The following ALG14 variants were observed in gnomAD, a reference collection of about 807,000 sequenced individuals.
ALG14 encodes the protein UDP-N-acetylglucosamine transferase subunit ALG14.
Under a neutral mutation model 22.8 loss-of-function variants are expected in ALG14, and 17 were observed. The ratio of observed to expected loss-of-function variants is 0.75; its 90% CI spans 0.51 to 1.12. The LOEUF (loss-of-function observed/expected upper bound fraction) is 1.12. ALG14 is among the 50% of genes most tolerant of loss of function. The pLI is 0.00. For missense variants in ALG14, 288 were observed against 271.8 expected, an observed-to-expected ratio of 1.06 and a Z score of -0.42; for synonymous variants, 89 against 103.7, an observed-to-expected ratio of 0.86 and a Z score of 0.86.
intron 2 of ALG14, among the ~76,000 whole-genome samples, chr1:95,043,557 A>G (rs1246880810): frequency 6.6e-6 from 1 of 152,190 alleles, no homozygotes; most frequent in East Asian, 1.9e-4. Context: ...TCTACTGAGA[A>G]CTAGTGCAGG....
intron 3 of ALG14, among the ~76,000 whole-genome samples, chr1:95,005,107 C>T (rs1340277510): frequency 6.6e-6 from 1 of 152,146 alleles, no homozygotes; most frequent in Non-Finnish European, 1.5e-5. Flanking sequence ...GAGAGACACA[C>T]AGAGTAATTC....
chr1:95,071,359 A>G (rs989587016), intron 1 of ALG14, among the ~76,000 whole-genome samples: 1 of 152,136 alleles, frequency 6.6e-6, no homozygotes, highest in Admixed American at 6.5e-5. Flanking sequence ...AGCCTTGGTC[A>G]ACATGGTGAA....
In ALG14 at chr1:95,054,919, GT is replaced by G. The variant is rs564077816; in HGVS notation, c.288+9946del. 6.8e-4 allele frequency among the ~76,000 whole-genome samples: 103 copies of G among 152,246 alleles called. No homozygotes were observed. In the South Asian group the frequency reaches 7.3e-3, roughly 11 times the overall value. ...TACATTTAAAAATCCAAAACAATAT[GT>G]TTGCAAACCAAATCTAGCAATGTAT... On this transcript the variant is annotated intron_variant, in intron 2 of 3. Transcript: ENST00000370205.
At chr1:95,011,600 T>C (rs901119706) in intron 3 of ALG14, among the ~76,000 whole-genome samples, 1 of 152,042 alleles carries the variant, frequency 6.6e-6, no homozygotes, top group African/African-American at 2.4e-5. Context: ...TAATTTTTCT[T>C]GTATTTTTAG....
At chr1:95,034,050 T>C (rs1674107359) in intron 2 of ALG14, among the ~76,000 whole-genome samples, 1 of 152,178 alleles carries the variant, frequency 6.6e-6, no homozygotes, top group African/African-American at 2.4e-5. Context: ...GCCACACTGG[T>C]CTTCTGTCTG....
At chr1:95,056,167 T>A (rs767919229) in intron 2 of ALG14, among the ~76,000 whole-genome samples, 1 of 151,566 alleles carries the variant, frequency 6.6e-6, no homozygotes, top group Non-Finnish European at 1.5e-5. Context: ...AAAAAAAGAA[T>A]AGAGAGCTAA....
At chr1:95,014,322 T>C (rs2100753302) in intron 3 of ALG14, among the ~76,000 whole-genome samples, 1 of 152,348 alleles carries the variant, frequency 6.6e-6, no homozygotes, top group African/African-American at 2.4e-5. Context: ...CTTTACTATG[T>C]AGTTTGTGCA....
At position 94,979,530 on chromosome 1, in the gene ALG14, CA is replaced by C. The variant is rs1307140768; in HGVS notation, c.*3545del. 2.0e-5 allele frequency: 3 copies of C among 151,784 alleles called. No individual in the cohort carries two copies. The highest frequency in any genetic ancestry group is 4.4e-5 in the Non-Finnish European group (3 of 67,986). 9.4% of individuals were successfully genotyped at this position (151,784 alleles called of 1,614,324 possible). On this transcript the variant is annotated 3_prime_UTR_variant, in exon 4 of 4. Transcript: ENST00000370205. ...AGGAAAGGGTAGATATGAACTAAGTCAAAGGCAGAATCAATAGGTGATGACA... is the reference window on the plus strand; with the variant it reads ...AGGAAAGGGTAGATATGAACTAAGTCAAGGCAGAATCAATAGGTGATGACA...
chr1:95,021,193 T>C (rs1271626877), intron 3 of ALG14, among the ~76,000 whole-genome samples: 1 of 152,190 alleles, frequency 6.6e-6, no homozygotes, highest in Non-Finnish European at 1.5e-5. Context: ...TCATCAGGTT[T>C]TAATAGCTTC....
chr1:95,030,503 A>C (rs1673964755), intron 2 of ALG14, among the ~76,000 whole-genome samples: 1 of 152,168 alleles, frequency 6.6e-6, no homozygotes, highest in African/African-American at 2.4e-5. Context: ...GCCTAATCTC[A>C]ATACCTATAA....
intron 3 of ALG14, among the ~76,000 whole-genome samples, chr1:95,018,698 C>T (rs926630035): frequency 1.3e-5 from 2 of 151,194 alleles, no homozygotes; most frequent in Admixed American, 1.3e-4. Context: ...CCTACCTTCT[C>T]CCAACCTCCA....
chr1:95,017,116 T>C (rs192786597), intron 3 of ALG14, among the ~76,000 whole-genome samples: 266 of 152,184 alleles, frequency 1.7e-3, no homozygotes, highest in Admixed American at 2.9e-3. Context: ...CAGAACTGGC[T>C]GATAAAAAAG....
In ALG14 at chr1:94,980,112, G is replaced by C. The variant is rs1375435811; in HGVS notation, c.*2964C>G. The C allele has an allele frequency of 6.6e-6, 1 of 151,688 alleles. No individual in the cohort carries two copies. The highest frequency in any genetic ancestry group is 1.5e-5 in the Non-Finnish European group (1 of 67,970). The allele number at this position is 151,688 out of a possible 1,614,324, so 9.4% of individuals were successfully genotyped here. A position where few individuals can be genotyped will look rare whatever the true frequency, so the allele number is the denominator to read the frequency against. On this transcript the variant is annotated 3_prime_UTR_variant, in exon 4 of 4. Coordinates refer to ENST00000370205, the MANE Select transcript of ALG14 (RefSeq NM_144988.4). Reference sequence around the variant, plus strand: ...AAGGAACTGTATAGTAAAGGGGTACGTTTCTCAATTTTAACTTACCATGTA... The same window carrying C: ...AAGGAACTGTATAGTAAAGGGGTACCTTTCTCAATTTTAACTTACCATGTA...
chr1:95,044,028 G>A (rs1674465385), intron 2 of ALG14, among the ~76,000 whole-genome samples: 1 of 152,140 alleles, frequency 6.6e-6, no homozygotes, highest in Non-Finnish European at 1.5e-5. Flanking sequence ...AGATCGGGAT[G>A]CTCCCCTTTC....
intron 3 of ALG14, among the ~76,000 whole-genome samples, chr1:95,009,237 TTA>T (rs1427791510): frequency 7.3e-5 from 11 of 150,400 alleles, no homozygotes; most frequent in Non-Finnish European, 1.6e-4. Context: ...TATATTTTAT[TTA>T]TAATCATGTT....
At chr1:95,027,631 A>C (rs1025295136) in intron 2 of ALG14, among the ~76,000 whole-genome samples, 2 of 152,238 alleles carry the variant, frequency 1.3e-5, no homozygotes, top group Admixed American at 1.3e-4. Flanking sequence ...AGATAACTCC[A>C]AATGGAAGAA....
Position 95,038,585 on chromosome 1 carries a change from G to A in ALG14, c.289-11325C>T, listed in dbSNP as rs549410561. Among the ~76,000 whole-genome samples, 8 of 151,348 alleles carry A rather than the reference G, an allele frequency of 5.3e-5. No homozygotes were observed. In the East Asian group the frequency reaches 1.6e-3, roughly 30 times the overall value. On this transcript the variant is annotated intron_variant, in intron 2 of 3. Transcript: ENST00000370205. Reference sequence around the variant, plus strand: ...AATCCCAGCTACCTGGGAGGCTGAGGCAAAATAATTGTTTAAATCTGGGAG... The same window carrying A: ...AATCCCAGCTACCTGGGAGGCTGAGACAAAATAATTGTTTAAATCTGGGAG...
intron 3 of ALG14, among the ~76,000 whole-genome samples, chr1:94,985,013 G>C (rs889124569): frequency 6.6e-6 from 1 of 152,060 alleles, no homozygotes; most frequent in South Asian, 2.1e-4. Context: ...GTGAGCACAA[G>C]CAAGTTGTAT....
intron 2 of ALG14, among the ~76,000 whole-genome samples, chr1:95,062,577 G>A (rs757525398): frequency 2.0e-5 from 3 of 152,110 alleles, no homozygotes; most frequent in Non-Finnish European, 1.5e-5. Flanking sequence ...GCATTAGTTT[G>A]CTGAGGATAA....
Sources: gnomAD v4.1 joint callset for allele counts (sites outside exome capture counted in the v4.1 genomes callset) on GRCh38, gnomAD v4.1.1 for gene constraint, MANE v1.5 for transcripts, NCBI Gene and HGNC (gene_info 2026-07-23, HGNC 2026-07-21) for gene names.